Variants in DNM1 observed in about 807,000 individuals in gnomAD.
DNM1 encodes dynamin 1.
A neutral mutation model predicts 104.6 loss-of-function variants in DNM1; 29 were observed. The ratio of observed to expected loss-of-function variants is 0.28; its 90% CI spans 0.21 to 0.38. The LOEUF (loss-of-function observed/expected upper bound fraction) is 0.38. Ranked by LOEUF, DNM1 falls within the 10% of genes least tolerant of loss-of-function variation. The pLI, the probability that DNM1 is intolerant of heterozygous loss-of-function variation, is 1.00. For synonymous variants in DNM1, 445 were observed against 475.8 expected, an observed-to-expected ratio of 0.94 and a Z score of 0.84; for missense variants, 640 against 1,189.4, an observed-to-expected ratio of 0.54 and a Z score of 6.79.
intron 11 of DNM1, 52 bp downstream of exon 11, chr9:128,234,159 C>T (rs1346429770): frequency 7.1e-6 from 10 of 1,413,898 alleles, no homozygotes; most frequent in Non-Finnish European, 8.5e-6. Context: ...CTCCTGGCCG[C>T]CTGCGCCTTC....
At chr9:128,206,702 AG>A (rs1370185474) in intron 1 of DNM1, among the ~76,000 whole-genome samples, 1 of 152,140 alleles carries the variant, frequency 6.6e-6, no homozygotes, top group Non-Finnish European at 1.5e-5. Context: ...GTGCCTTTGA[AG>A]AACAGAAAGG....
chr9:128,208,423 C>G (rs1354489410), intron 1 of DNM1, among the ~76,000 whole-genome samples: 1 of 152,196 alleles, frequency 6.6e-6, no homozygotes, highest in Admixed American at 6.5e-5. Context: ...GAGCCCTTCT[C>G]TTTGTCAAAC....
rs2131307633 is a variant in DNM1, at chr9:128,253,127, C to T, written c.2535-1527C>T. On this transcript the variant is annotated intron_variant, in intron 21 of 21. Transcript: ENST00000372923. This position sits in a 1 kb window ranked among gnomAD's most constrained non-coding sequence, Gnocchi z 5.9. ...ATCACTATCAGTGACCCCTGAGGAG[C>T]GTCAGCCATGGTAGGTACATGCCTC... 4 of 1,607,612 alleles carry T rather than the reference C, an allele frequency of 2.5e-6. No homozygotes were observed. Among genetic ancestry groups the T allele is most frequent in the East Asian group, 2.2e-5 (1 of 44,874 alleles).
chr9:128,203,689 C>A lies in DNM1; in HGVS notation c.161+58C>A. ...CGACCCCCGGGATCCCTGGAGTCCC[C>A]GCCCGGGGCACTGACGGCGCGGCGA... On this transcript the variant is annotated intron_variant, in intron 1 of 21. Coordinates refer to ENST00000372923, the MANE Select transcript of DNM1 (RefSeq NM_004408.4). The surrounding 1 kb of genome is among the most constrained non-coding windows in gnomAD (Gnocchi z 5.3). 1 of 1,404,216 alleles carries A rather than the reference C, an allele frequency of 7.1e-7. No individual in the cohort carries two copies. The highest frequency in any genetic ancestry group is 1.5e-5 in the African/African-American group (1 of 66,204). 87.0% of individuals were successfully genotyped at this position (1,404,216 alleles called of 1,614,324 possible).
In DNM1 at chr9:128,224,661, C is replaced by T. The variant is rs1232360281; in HGVS notation, c.1335+272C>T. Among the ~76,000 whole-genome samples, 2 of 152,114 alleles carry T rather than the reference C, an allele frequency of 1.3e-5. No homozygotes were observed. The highest frequency in any genetic ancestry group is 2.4e-5 in the African/African-American group (1 of 41,426). ...CCCCAAGAGCCCACCAAGAGCTCCC[C>T]CAGCTCAGAGAATAGGGCTTGAGGG... On this transcript the variant is annotated intron_variant, in intron 10 of 21. Coordinates refer to ENST00000372923, the MANE Select transcript of DNM1 (RefSeq NM_004408.4). This position sits in a 1 kb window ranked among gnomAD's most constrained non-coding sequence, Gnocchi z 4.3.
In DNM1 at chr9:128,247,284, G is replaced by T. The variant is rs750077849; in HGVS notation, c.1782-91G>T. 6 of 786,774 alleles carry T rather than the reference G, an allele frequency of 7.6e-6. No homozygotes were observed. Among genetic ancestry groups the T allele is most frequent in the African/African-American group, 1.7e-5 (1 of 58,910 alleles). The allele number at this position is 786,774 out of a possible 1,614,324, so 48.7% of individuals were successfully genotyped here. ...CAGCTGGGAAATGAGCTGGCCTCAG[G>T]CATGTTGACCCCAAAGTCTGGGCAT... is the stretch of plus-strand genomic sequence containing the variant. On this transcript the variant is annotated intron_variant, in intron 16 of 21. Transcript: ENST00000372923. This position sits in a 1 kb window ranked among gnomAD's most constrained non-coding sequence, Gnocchi z 5.1.
chr9:128,244,692 G>A (rs1240062478), intron 15 of DNM1: 1 of 519,386 alleles, frequency 1.9e-6, no homozygotes, highest in Admixed American at 2.0e-5. Context: ...GCAGGCAGGG[G>A]TCGGTCCAGC....
intron 10 of DNM1, among the ~76,000 whole-genome samples, chr9:128,225,823 C>T (rs1489592364): frequency 1.3e-5 from 2 of 151,910 alleles, no homozygotes; most frequent in Non-Finnish European, 2.9e-5. Flanking sequence ...CTGGGAGGTG[C>T]CAACCCCGGG....
rs769245352 is a variant in DNM1 at position 128,220,102 on chromosome 9, C to A, written c.688+16C>A. 6.2e-7 allele frequency: 1 copy of A among 1,612,722 alleles called. No homozygotes were observed. Among genetic ancestry groups the A allele is most frequent in the African/African-American group, 1.3e-5 (1 of 74,892 alleles). The stretch of plus-strand genomic sequence containing the variant: ...CTGCGCAGAGGTAAGCAGGCCATGC[C>A]CCTCAACCACTCCCCAGCCCTTCCC... On this transcript the variant is annotated intron_variant, in intron 5 of 21. Transcript: ENST00000372923. The surrounding 1 kb of genome is among the most constrained non-coding windows in gnomAD (Gnocchi z 5.2).
At chr9:128,231,118 A>G (rs16930313) in intron 10 of DNM1, among the ~76,000 whole-genome samples, 30,835 of 149,578 alleles carry the variant, frequency 0.21, 4,054 homozygotes, top group African/African-American at 0.37. Context: ...TGTGATTTTT[A>G]TGAGCAGAAA....
chr9:128,204,229 G>T (rs958822753), intron 1 of DNM1: 1 of 152,526 alleles, frequency 6.6e-6, no homozygotes, highest in South Asian at 2.1e-4. Context: ...CGGCGAGGGG[G>T]GAGGCGCGGG....
chr9:128,243,389 C>CG lies in DNM1; in HGVS notation c.1671+1049dup, dbSNP rs144072096. Among the ~76,000 whole-genome samples, 11,913 of 152,086 alleles carry CG rather than the reference C, an allele frequency of 0.078. 654 individuals carry two copies. Among genetic ancestry groups the CG allele is most frequent in the East Asian group, 0.3 (1,521 of 5,128 alleles). On this transcript the variant is annotated intron_variant, in intron 15 of 21. Transcript: ENST00000372923. The surrounding 1 kb of genome is among the most constrained non-coding windows in gnomAD (Gnocchi z 4.0). ...CTGTTGGAGGCTACAGCATCCTCAA[C>CG]GGGGGAGCGGGGCTCTGGGTGGGGC...
At position 128,234,089 on chromosome 9, in the gene DNM1, G is replaced by C. The variant is rs1285073341; in HGVS notation, c.1404G>C (p.Glu468Asp). The C allele has an allele frequency of 1.3e-6, 2 of 1,568,112 alleles. No homozygotes were observed. Among genetic ancestry groups the C allele is most frequent in the Admixed American group, 1.9e-5 (1 of 53,730 alleles). Residue 468 changes from glutamate to aspartate, a missense_variant, in exon 11 of 22, where the codon GAG becomes GAC. This residue lies in a region of DNM1 where 92 missense variants were observed against 124.4 expected (regional missense o/e 0.74). Transcript: ENST00000372923. Reference protein sequence around the residue: ...RIVTTHIREREGRTKEQVMLL... With the variant: ...RIVTTHIRERDGRTKEQVMLL... ...TGACCACCCACATCCGGGAGCGCGA[G>C]GGCCGCACTAAGGAGCAGGTGAGCC...
rs1254708844 is a variant in DNM1, at chr9:128,218,859, T to C, written c.385+128T>C. On this transcript the variant is annotated intron_variant, in intron 3 of 21. Transcript: ENST00000372923. The surrounding 1 kb of genome is among the most constrained non-coding windows in gnomAD (Gnocchi z 4.8). ...GCCTCTGCATCATCCTATTCCAAGCTCCACCCTGCCGTGATTCCGCCCACT... is the reference window on the plus strand; with the variant it reads ...GCCTCTGCATCATCCTATTCCAAGCCCCACCCTGCCGTGATTCCGCCCACT... The C allele has an allele frequency of 2.2e-6, 3 of 1,375,332 alleles. No homozygotes were observed. Among genetic ancestry groups the C allele is most frequent in the African/African-American group, 2.9e-5 (2 of 69,270 alleles). The allele number at this position is 1,375,332 out of a possible 1,614,324, so 85.2% of individuals were successfully genotyped here.
rs892194903 is a variant in DNM1 at position 128,222,299 on chromosome 9, C to T, written c.952C>T (p.Arg318Cys). Residue 318 changes from arginine (R) to cysteine (C), a missense_variant, in exon 7 of 22, where the codon CGC becomes TGC. By Grantham distance (180) the Arg-to-Cys change is radical. This residue lies in a region of DNM1 where 81 missense variants were observed against 99.8 expected (regional missense o/e 0.81). Transcript: ENST00000372923. The surrounding 1 kb of genome is among the most constrained non-coding windows in gnomAD (Gnocchi z 7.8). ...EKEVEEYKNF[R>C]PDDPARKTKA... is the part of the protein sequence containing the mutation. ...GGAGGTGGAGGAATACAAGAACTTC[C>T]GCCCTGATGACCCAGCTCGCAAGAC... The T allele has an allele frequency of 5.0e-6, 8 of 1,613,996 alleles. No homozygotes were observed. Among genetic ancestry groups the T allele is most frequent in the Middle Eastern group, 1.6e-4 (1 of 6,082 alleles).
In DNM1 at chr9:128,232,298, G is replaced by A. The variant is rs191082757; in HGVS notation, c.1336-1723G>A. Among the ~76,000 whole-genome samples, 72 of 152,226 alleles carry A rather than the reference G, an allele frequency of 4.7e-4. No homozygotes were observed. The East Asian group carries it at 0.01, about 21-fold the overall frequency. ...CCCAGACTTGGAGACTGCAAAGAGC[G>A]GGAGCCCTTCCTTGAGCCTCAGGAG... On this transcript the variant is annotated intron_variant, in intron 10 of 21. Coordinates refer to ENST00000372923, the MANE Select transcript of DNM1 (RefSeq NM_004408.4).
chr9:128,219,980 G>A lies in DNM1; in HGVS notation c.590-8G>A. The A allele has an allele frequency of 1.3e-6, 2 of 1,555,174 alleles. No individual in the cohort carries two copies. Among genetic ancestry groups the A allele is most frequent in the Non-Finnish European group, 1.7e-6 (2 of 1,146,304 alleles). ...AGCTGTAGACGGCCCTCCTGCTGGT[G>A]CACCCAGGCCAGCGCACCATCGGGG... On this transcript the variant is annotated splice_polypyrimidine_tract_variant and splice_region_variant and intron_variant, in intron 4 of 21. Coordinates refer to ENST00000372923, the MANE Select transcript of DNM1 (RefSeq NM_004408.4).
At chr9:128,234,166 CT>C in intron 11 of DNM1, 59 bp downstream of exon 11, 1 of 1,387,086 alleles carries the variant, frequency 7.2e-7, no homozygotes, top group Non-Finnish European at 9.7e-7. Context: ...CCGCCTGCGC[CT>C]TCCACTCCTG....
At chr9:128,226,639 G>A (rs1316380086) in intron 10 of DNM1, among the ~76,000 whole-genome samples, 2 of 152,318 alleles carry the variant, frequency 1.3e-5, no homozygotes, top group East Asian at 1.9e-4. Context: ...GGCCTCCTGG[G>A]CAGGGGGAGC....
Sources: gnomAD v4.1 joint callset for allele counts (sites outside exome capture counted in the v4.1 genomes callset) on GRCh38, gnomAD v4.1.1 for gene constraint, gnomAD v4.1.1 regional missense constraint, Gnocchi (gnomAD v3.1) non-coding constraint, MANE v1.5 for transcripts, NCBI Gene and HGNC (gene_info 2026-07-23, HGNC 2026-07-21) for gene names.